Variants in MAPK10 observed in about 807,000 individuals in gnomAD.
The protein encoded by MAPK10 is JNK3 alpha protein kinase.
MAPK10 carries 25 observed loss-of-function variants against 59.3 expected under a neutral mutation model. The observed-to-expected ratio is 0.42, with a 90% CI of 0.31 to 0.59. The LOEUF (loss-of-function observed/expected upper bound fraction) is 0.59. Ranked by LOEUF, MAPK10 falls within the 20% of genes least tolerant of loss-of-function variation. The pLI is 0.15. For missense variants in MAPK10, 351 were observed against 568.9 expected (o/e 0.62, Z 3.90); for synonymous variants, 190 against 200.5 (o/e 0.95, Z 0.44).
chr4:86,207,061 T>C (rs2084250836), intron 2 of MAPK10, among the ~76,000 whole-genome samples: 1 of 151,516 alleles, frequency 6.6e-6, no homozygotes, highest in Non-Finnish European at 1.5e-5. Context: ...TTAGATCCCA[T>C]TTGTCAATTT....
At chr4:86,234,978 T>C (rs991119494) in intron 2 of MAPK10, among the ~76,000 whole-genome samples, 7 of 152,204 alleles carry the variant, frequency 4.6e-5, no homozygotes, top group Non-Finnish European at 8.8e-5. Context: ...TAGAAAATCA[T>C]ACCAGATCAT....
At chr4:86,457,322 G>A (rs964745243), upstream of MAPK10, among the ~76,000 whole-genome samples, 3 of 152,132 alleles carry the variant, frequency 2.0e-5, no homozygotes, top group Non-Finnish European at 4.4e-5. Context: ...CCAGACAAGA[G>A]AAAGAAATAA....
At chr4:86,208,132 G>A (rs2084679176) in intron 2 of MAPK10, among the ~76,000 whole-genome samples, 1 of 152,062 alleles carries the variant, frequency 6.6e-6, no homozygotes. Context: ...AGGACCAGAT[G>A]TATTCACAGC....
intron 1 of MAPK10, among the ~76,000 whole-genome samples, chr4:86,484,745 T>TA (rs141699617): frequency 4.6e-5 from 7 of 151,418 alleles, no homozygotes; most frequent in South Asian, 2.1e-4. Flanking sequence ...TTTACAGATT[T>TA]AAAAAAAAAC....
intron 1 of MAPK10, among the ~76,000 whole-genome samples, chr4:86,374,778 C>T (rs1294497836): frequency 6.6e-6 from 1 of 152,194 alleles, no homozygotes; most frequent in Non-Finnish European, 1.5e-5. Flanking sequence ...CAAATAGCTA[C>T]AGTCCCTAAA....
At chr4:86,067,667 TA>T in intron 10 of MAPK10, 105 bp downstream of exon 10, 1 of 989,318 alleles carries the variant, frequency 1.0e-6, no homozygotes, top group Non-Finnish European at 1.4e-6. Flanking sequence ...ATGTGTCAAC[TA>T]AAAATAAAAG....
intron 1 of MAPK10, among the ~76,000 whole-genome samples, chr4:86,537,409 A>G (rs1318323677): frequency 6.6e-6 from 1 of 152,214 alleles, no homozygotes; most frequent in African/African-American, 2.4e-5. Context: ...ACAGAGAAAG[A>G]ACGGTGATAT....
intron 2 of MAPK10, among the ~76,000 whole-genome samples, chr4:86,211,763 C>T (rs2149354571): frequency 6.6e-6 from 1 of 152,124 alleles, no homozygotes; most frequent in South Asian, 2.1e-4. Flanking sequence ...TGTTTTTGGA[C>T]ACACACAATG....
intron 2 of MAPK10, chr4:86,336,707 A>G (rs1334505162): frequency 1.3e-5 from 2 of 151,952 alleles, no homozygotes; most frequent in Non-Finnish European, 2.9e-5. Flanking sequence ...AACATAAAAA[A>G]TATTTCATTT....
At chr4:86,324,856 C>A (rs2148899980) in intron 2 of MAPK10, among the ~76,000 whole-genome samples, 1 of 152,266 alleles carries the variant, frequency 6.6e-6, no homozygotes, top group South Asian at 2.1e-4. Flanking sequence ...TTTATACACA[C>A]ACATAGACAC....
intron 1 of MAPK10, among the ~76,000 whole-genome samples, chr4:86,491,116 G>T (rs1020285430): frequency 6.6e-6 from 1 of 152,208 alleles, no homozygotes; most frequent in African/African-American, 2.4e-5. Flanking sequence ...CATGAGTTGA[G>T]CTGTGTGGAT....
chr4:86,254,751 A>T (rs2093627384), intron 2 of MAPK10, among the ~76,000 whole-genome samples: 1 of 149,818 alleles, frequency 6.7e-6, no homozygotes, highest in South Asian at 2.1e-4. Flanking sequence ...TGTCTCGTTG[A>T]TCTGTCTAAT....
At chr4:86,395,056 A>G (rs1353995895) in intron 1 of MAPK10, among the ~76,000 whole-genome samples, 1 of 85,264 alleles carries the variant, frequency 1.2e-5, no homozygotes, top group African/African-American at 4.8e-5. Context: ...ACACTCATTC[A>G]CAGTATTGAG....
intron 1 of MAPK10, among the ~76,000 whole-genome samples, chr4:86,519,260 C>G (rs150520248): frequency 6.6e-6 from 1 of 152,092 alleles, no homozygotes; most frequent in Non-Finnish European, 1.5e-5. Context: ...TTATTTCTTA[C>G]GTCTAGTAGT....
At chr4:86,207,126 C>T (rs2084279238) in intron 2 of MAPK10, among the ~76,000 whole-genome samples, 1 of 151,024 alleles carries the variant, frequency 6.6e-6, no homozygotes, top group Non-Finnish European at 1.5e-5. Context: ...TTGCCCATGC[C>T]TATGTCCTGA....
chr4:86,068,782 A>T (rs2047202528), intron 9 of MAPK10, among the ~76,000 whole-genome samples: 1 of 152,158 alleles, frequency 6.6e-6, no homozygotes, highest in African/African-American at 2.4e-5. Flanking sequence ...TTTTGCAGAC[A>T]TACTCAATGA....
rs541469326 is a variant in MAPK10 at position 86,417,767 on chromosome 4, G to A, written c.-122+35263C>T. 2.0e-4 allele frequency among the ~76,000 whole-genome samples: 31 copies of A among 152,254 alleles called. 1 individual carries two copies. The South Asian group carries it at 6.4e-3, about 32-fold the overall frequency. On this transcript the variant is annotated intron_variant, in intron 1 of 13. Transcript: ENST00000361569. ...TATCATGCTCAAGGCAGTTCCTGCT[G>A]CCCCACCTAGAGGGTCTTACTGACC... is the stretch of plus-strand genomic sequence containing the variant.
intron 1 of MAPK10, among the ~76,000 whole-genome samples, chr4:86,389,723 A>C (rs1006177363): frequency 3.9e-5 from 6 of 152,184 alleles, no homozygotes; most frequent in African/African-American, 1.4e-4. Flanking sequence ...CATATATATC[A>C]AATTTTCTAG....
At chr4:86,042,519 T>C (rs759054044) in intron 11 of MAPK10, among the ~76,000 whole-genome samples, 1 of 152,144 alleles carries the variant, frequency 6.6e-6, no homozygotes, top group Non-Finnish European at 1.5e-5. Flanking sequence ...GGATACACAA[T>C]ATAAAAATAT....
Sources: allele counts gnomAD v4.1 joint callset (sites outside exome capture counted in the v4.1 genomes callset), GRCh38; gene constraint gnomAD v4.1.1; transcripts MANE v1.5; gene names NCBI Gene and HGNC (gene_info 2026-07-23, HGNC 2026-07-21).